The following PCDH9 variants were observed in gnomAD, a reference collection of about 807,000 sequenced individuals.
PCDH9 encodes protocadherin 9, also known as protocadherin-9.
A neutral mutation model predicts 70.6 loss-of-function variants in PCDH9; 24 were observed. The observed-to-expected ratio is 0.34, with a 90% CI of 0.25 to 0.48. The LOEUF is 0.48. Among genes scored for constraint, PCDH9 ranks in the 20% least tolerant of loss-of-function variants. The pLI is 0.99. For synonymous variants in PCDH9, 562 were observed against 558.5 expected, an observed-to-expected ratio of 1.01 and a Z score of -0.09; for missense variants, 1,281 against 1,503.6, an observed-to-expected ratio of 0.85 and a Z score of 2.45.
At position 67,027,981 on chromosome 13, in the gene PCDH9, C is replaced by T. The variant is rs924294481; in HGVS notation, c.3037-124376G>A. 1.2e-3 allele frequency among the ~76,000 whole-genome samples: 181 copies of T among 150,010 alleles called. 1 individual carries two copies. Among genetic ancestry groups the T allele is most frequent in the African/African-American group, 4.1e-3 (170 of 41,252 alleles). ...TTTACACTGTTGGTGGGACTGTAAA[C>T]TAGTTCAACCATTGTGGAAGTCAGT... On this transcript the variant is annotated intron_variant, in intron 2 of 4. Transcript: ENST00000377865.
intron 3 of PCDH9, among the ~76,000 whole-genome samples, chr13:66,841,021 C>T (rs1566232454): frequency 2.6e-5 from 4 of 152,064 alleles, no homozygotes; most frequent in Admixed American, 6.6e-5. Context: ...TCTGAATTCT[C>T]ATGTAATTGT....
Position 67,226,550 on chromosome 13 carries a change from C to T in PCDH9, c.1891G>A (p.Val631Ile), listed in dbSNP as rs1370272575. 1 of 1,613,908 alleles carries T rather than the reference C, an allele frequency of 6.2e-7. No homozygotes were observed. Among genetic ancestry groups the T allele is most frequent in the South Asian group, 1.1e-5 (1 of 91,062 alleles). ...CTCTGCTGCTCTCTATCAAATGAGA[C>T]ATTTGACTTTATGACTCCAGAATAG... ...DPYSGVIKSN[V>I]SFDREQQSSY... Residue 631 changes from valine (V) to isoleucine (I), a missense_variant, in exon 2 of 5, where the codon GTC (valine) becomes ATC (isoleucine). By Grantham distance (29) the Val-to-Ile change is conservative (BLOSUM62 3). Coordinates refer to ENST00000377865, the MANE Select transcript of PCDH9 (RefSeq NM_203487.3). The surrounding 1 kb of genome is among the most constrained non-coding windows in gnomAD (Gnocchi z 5.0).
At chr13:67,141,629 T>G (rs1002728289) in intron 2 of PCDH9, among the ~76,000 whole-genome samples, 1 of 151,546 alleles carries the variant, frequency 6.6e-6, no homozygotes, top group Non-Finnish European at 1.5e-5. Flanking sequence ...CCATTAGAGA[T>G]AGAGTTTCAC....
intron 4 of PCDH9, among the ~76,000 whole-genome samples, chr13:66,378,357 CTT>C (rs150448060): frequency 6.6e-6 from 1 of 151,154 alleles, no homozygotes; most frequent in African/African-American, 2.4e-5. Flanking sequence ...TGGGTAAGTG[CTT>C]TTTTTTTGTA....
intron 3 of PCDH9, among the ~76,000 whole-genome samples, chr13:66,657,748 C>T (rs1321564996): frequency 6.6e-6 from 1 of 152,132 alleles, no homozygotes; most frequent in Admixed American, 6.5e-5. Context: ...TCCTACACTC[C>T]TGGGCATATC....
At chr13:67,194,004 A>AT (rs1206030483) in intron 2 of PCDH9, among the ~76,000 whole-genome samples, 1 of 152,082 alleles carries the variant, frequency 6.6e-6, no homozygotes, top group African/African-American at 2.4e-5. Flanking sequence ...GGTTATTTAC[A>AT]TTTTTTCTAT....
At chr13:67,208,736 T>G (rs1209192923) in intron 2 of PCDH9, 1 of 152,150 alleles carries the variant, frequency 6.6e-6, no homozygotes, top group Non-Finnish European at 1.5e-5. Flanking sequence ...CAGCAGGAGC[T>G]GCCAATACAG....
At chr13:67,037,052 T>C (rs1182767896) in intron 2 of PCDH9, among the ~76,000 whole-genome samples, 1 of 152,142 alleles carries the variant, frequency 6.6e-6, no homozygotes, top group African/African-American at 2.4e-5. Flanking sequence ...AGTTTTCAGA[T>C]TACCCCACAG....
chr13:67,058,652 T>C (rs260129), intron 2 of PCDH9, among the ~76,000 whole-genome samples: 151,109 of 152,248 alleles, frequency 0.99, 75,002 homozygotes, highest in East Asian at 1. Flanking sequence ...GCAATAACAG[T>C]ATGCCCATGA....
In PCDH9 at chr13:66,689,703, T is replaced by C. The variant is rs143843149; in HGVS notation, c.3139-58292A>G. Among the ~76,000 whole-genome samples, 813 of 152,204 alleles carry C rather than the reference T, an allele frequency of 5.3e-3. 6 individuals are homozygous for C. Among genetic ancestry groups the C allele is most frequent in the African/African-American group, 0.017 (694 of 41,526 alleles). ...TGCTAAAAAATTAACCTCAAAAAGG[T>C]ATCTTCGGGTGTTGACTTTCAAATC... On this transcript the variant is annotated intron_variant, in intron 3 of 4. Transcript: ENST00000377865.
chr13:66,869,782 C>A (rs553893380), intron 3 of PCDH9, among the ~76,000 whole-genome samples: 18 of 152,262 alleles, frequency 1.2e-4, no homozygotes, highest in Middle Eastern at 3.4e-3. Flanking sequence ...AACATATACA[C>A]ACTCCCTGTC....
intron 4 of PCDH9, among the ~76,000 whole-genome samples, chr13:66,425,548 T>C (rs1262857742): frequency 2.0e-5 from 3 of 150,316 alleles, no homozygotes; most frequent in Admixed American, 1.3e-4. Flanking sequence ...GTTATCCTAC[T>C]TTCAGAAAAC....
At chr13:66,622,266 C>G (rs1000825891) in intron 4 of PCDH9, among the ~76,000 whole-genome samples, 4 of 152,196 alleles carry the variant, frequency 2.6e-5, no homozygotes, top group African/African-American at 9.6e-5. Context: ...AGGAGCCTAC[C>G]CTACGAGTGC....
At chr13:66,966,637 C>T (rs2083438611) in intron 2 of PCDH9, among the ~76,000 whole-genome samples, 1 of 152,058 alleles carries the variant, frequency 6.6e-6, no homozygotes, top group African/African-American at 2.4e-5. Flanking sequence ...CTACAAATTT[C>T]TATAATTCTA....
intron 4 of PCDH9, among the ~76,000 whole-genome samples, chr13:66,449,751 C>T (rs1958168190): frequency 6.6e-6 from 1 of 151,980 alleles, no homozygotes; most frequent in African/African-American, 2.4e-5. Flanking sequence ...TTTTATTAAA[C>T]TTTTATATCC....
intron 3 of PCDH9, among the ~76,000 whole-genome samples, chr13:66,754,953 G>GA (rs1426293219): frequency 2.0e-5 from 3 of 149,570 alleles, no homozygotes; most frequent in African/African-American, 4.9e-5. Flanking sequence ...TATCAACAGG[G>GA]AAAAAATTAT....
chr13:66,354,016 T>C (rs1300040212), intron 4 of PCDH9, among the ~76,000 whole-genome samples: 2 of 152,178 alleles, frequency 1.3e-5, no homozygotes. Flanking sequence ...AAAATAAAAA[T>C]TTGCTTTTAG....
At chr13:67,020,329 A>C (rs1295358249) in intron 2 of PCDH9, among the ~76,000 whole-genome samples, 2 of 152,330 alleles carry the variant, frequency 1.3e-5, no homozygotes, top group Non-Finnish European at 2.9e-5. Flanking sequence ...AACCATTAAC[A>C]AGCTGCCATT....
chr13:66,745,547 T>C (rs2079348271), intron 3 of PCDH9, among the ~76,000 whole-genome samples: 1 of 152,170 alleles, frequency 6.6e-6, no homozygotes, highest in Non-Finnish European at 1.5e-5. Flanking sequence ...ATTGAAATGT[T>C]TGTGATTTCA....
Sources: gnomAD v4.1 joint callset for allele counts (sites outside exome capture counted in the v4.1 genomes callset) on GRCh38, gnomAD v4.1.1 for gene constraint, Gnocchi (gnomAD v3.1) non-coding constraint, MANE v1.5 for transcripts, NCBI Gene and HGNC (gene_info 2026-07-23, HGNC 2026-07-21) for gene names.